Variants in GALNTL6 observed in about 807,000 individuals in gnomAD.
The protein encoded by GALNTL6 is polypeptide N-acetylgalactosaminyltransferase-like 6.
In GALNTL6, 46 loss-of-function variants were observed where a neutral mutation model predicts 73.7. That is an observed-to-expected ratio of 0.62 (90% CI 0.49 to 0.80). The LOEUF is 0.80. Among genes scored for constraint, GALNTL6 ranks in the 30% least tolerant of loss-of-function variants. The pLI is 0.00. For missense variants in GALNTL6, 604 were observed against 755.0 expected, an observed-to-expected ratio of 0.80 and a Z score of 2.34; for synonymous variants, 259 against 263.7, an observed-to-expected ratio of 0.98 and a Z score of 0.17.
At chr4:171,823,377 T>A (rs1734734286) in intron 2 of GALNTL6, among the ~76,000 whole-genome samples, 1 of 151,852 alleles carries the variant, frequency 6.6e-6, no homozygotes, top group Non-Finnish European at 1.5e-5. Context: ...GGTAGTCAAG[T>A]GAAATAAAGC....
At chr4:172,963,323 A>G (rs568219581) in intron 10 of GALNTL6, among the ~76,000 whole-genome samples, 26 of 152,056 alleles carry the variant, frequency 1.7e-4, no homozygotes, top group Non-Finnish European at 3.5e-4. Flanking sequence ...AACAACACCC[A>G]CACACATCCA....
intron 10 of GALNTL6, among the ~76,000 whole-genome samples, chr4:172,998,049 A>G (rs1428571205): frequency 6.6e-6 from 1 of 152,212 alleles, no homozygotes; most frequent in Non-Finnish European, 1.5e-5. Flanking sequence ...TTCTGAAATG[A>G]GTAGTCCCAA....
At chr4:173,006,079 C>T (rs774521783) in intron 10 of GALNTL6, among the ~76,000 whole-genome samples, 18 of 152,054 alleles carry the variant, frequency 1.2e-4, no homozygotes, top group Non-Finnish European at 2.4e-4. Flanking sequence ...TTTTTCTCCC[C>T]CACATCCTCC....
At chr4:172,441,055 T>G (rs1403289625) in intron 5 of GALNTL6, among the ~76,000 whole-genome samples, 1 of 152,270 alleles carries the variant, frequency 6.6e-6, no homozygotes, top group African/African-American at 2.4e-5. Flanking sequence ...TTATGTTTTC[T>G]TCATTAAATT....
chr4:172,699,884 A>C (rs999374762), intron 5 of GALNTL6, among the ~76,000 whole-genome samples: 4 of 152,186 alleles, frequency 2.6e-5, no homozygotes, highest in African/African-American at 9.6e-5. Context: ...GGATAGACCA[A>C]ATATCAATAA....
rs1477154362 is a variant in GALNTL6 at position 171,813,654 on chromosome 4, T to C, written c.-506T>C. On this transcript the variant is annotated 5_prime_UTR_variant, in exon 1 of 13. The change abolishes an upstream ATG in the 5' untranslated region. Transcript: ENST00000506823. This position sits in a 1 kb window ranked among gnomAD's most constrained non-coding sequence, Gnocchi z 5.2. The stretch of plus-strand genomic sequence containing the variant: ...CAGTTGCCAGAAAAGAATGGTAACA[T>C]GAACAGCGGAGCGTGAGAGCGTCAC... 1 of 152,344 alleles carries C rather than the reference T, an allele frequency of 6.6e-6. No individual in the cohort carries two copies. The highest frequency in any genetic ancestry group is 1.5e-5 in the Non-Finnish European group (1 of 68,178). 9.4% of individuals were successfully genotyped at this position (152,344 alleles called of 1,614,324 possible).
chr4:172,292,514 A>C (rs889508874), intron 3 of GALNTL6, among the ~76,000 whole-genome samples: 5 of 152,166 alleles, frequency 3.3e-5, no homozygotes, highest in Non-Finnish European at 7.4e-5. Flanking sequence ...TCAGACAAGG[A>C]GAATTCCATG....
intron 3 of GALNTL6, among the ~76,000 whole-genome samples, chr4:172,266,986 G>C (rs1738472892): frequency 6.6e-6 from 1 of 151,974 alleles, no homozygotes. Context: ...TGGGGTCCGG[G>C]GAATTTTTAT....
chr4:172,037,604 T>C (rs1741967049), intron 2 of GALNTL6, among the ~76,000 whole-genome samples: 1 of 152,176 alleles, frequency 6.6e-6, no homozygotes, highest in Admixed American at 6.6e-5. Flanking sequence ...TGCTGCCTCA[T>C]TCCACTTCCT....
intron 5 of GALNTL6, among the ~76,000 whole-genome samples, chr4:172,663,018 C>T (rs535468998): frequency 1.8e-4 from 27 of 152,016 alleles, no homozygotes; most frequent in Admixed American, 1.2e-3. Context: ...TACAATGGCC[C>T]GGAGACAAGA....
At chr4:172,828,954 G>T (rs978002148) in intron 7 of GALNTL6, among the ~76,000 whole-genome samples, 1 of 152,188 alleles carries the variant, frequency 6.6e-6, no homozygotes. Context: ...AAGTCAAGGT[G>T]TCGGCGGAGC....
chr4:172,581,091 C>G (rs1052726230), intron 5 of GALNTL6, among the ~76,000 whole-genome samples: 1 of 152,088 alleles, frequency 6.6e-6, no homozygotes, highest in Non-Finnish European at 1.5e-5. Flanking sequence ...TATACAACAT[C>G]GTTTCTAAAG....
At chr4:172,048,906 C>T (rs1218883633) in intron 2 of GALNTL6, among the ~76,000 whole-genome samples, 1 of 151,974 alleles carries the variant, frequency 6.6e-6, no homozygotes. Context: ...TAGTCTCTGC[C>T]CAACATACTT....
intron 5 of GALNTL6, among the ~76,000 whole-genome samples, chr4:172,724,842 A>G (rs1197127245): frequency 1.3e-5 from 2 of 152,208 alleles, no homozygotes; most frequent in African/African-American, 4.8e-5. Flanking sequence ...TCTGGGATTC[A>G]AGAATCAAAA....
intron 3 of GALNTL6, among the ~76,000 whole-genome samples, chr4:172,281,973 T>A (rs1288631631): frequency 1.3e-5 from 2 of 152,142 alleles, no homozygotes; most frequent in African/African-American, 4.8e-5. Flanking sequence ...AGAATACCTT[T>A]TTAACTTTAA....
At chr4:171,997,640 T>C (rs1740532250) in intron 2 of GALNTL6, among the ~76,000 whole-genome samples, 1 of 152,098 alleles carries the variant, frequency 6.6e-6, no homozygotes. Context: ...TTTTAAAAAA[T>C]CATTAAGTCA....
chr4:172,906,596 A>G (rs1746906345), intron 8 of GALNTL6, among the ~76,000 whole-genome samples: 2 of 152,208 alleles, frequency 1.3e-5, no homozygotes. Context: ...GCTCAACTGG[A>G]GAAACCTCTC....
intron 2 of GALNTL6, among the ~76,000 whole-genome samples, chr4:171,923,403 T>G (rs2110982616): frequency 6.7e-6 from 1 of 149,168 alleles, no homozygotes; most frequent in East Asian, 2.0e-4. Context: ...ACTTTGTTTT[T>G]TTTTTTTTTT....
In GALNTL6 at chr4:172,661,157, C is replaced by A. The variant is rs190222500; in HGVS notation, c.554-148204C>A. The stretch of plus-strand genomic sequence containing the variant: ...ACTGGACTTTGACTAAAGCAGATTA[C>A]CCTCCATAATGTGGATGGGCCTCAT... On this transcript the variant is annotated intron_variant, in intron 5 of 12. Transcript: ENST00000506823. Among the ~76,000 whole-genome samples the A allele has an allele frequency of 3.4e-4, 52 of 152,252 alleles. 1 individual carries two copies. The East Asian group carries it at 9.3e-3, about 27-fold the overall frequency.
Sources: allele counts gnomAD v4.1 joint callset (sites outside exome capture counted in the v4.1 genomes callset), GRCh38; gene constraint gnomAD v4.1.1; non-coding constraint Gnocchi (gnomAD v3.1); transcripts MANE v1.5; gene names NCBI Gene and HGNC (gene_info 2026-07-23, HGNC 2026-07-21).